Variants in ATRNL1 observed in about 807,000 individuals in gnomAD.
The protein encoded by ATRNL1 is attractin like 1.
A neutral mutation model predicts 182.7 loss-of-function variants in ATRNL1; 95 were observed. The ratio of observed to expected loss-of-function variants is 0.52; its 90% confidence interval spans 0.44 to 0.62. The LOEUF is 0.62. Ranked by LOEUF, ATRNL1 falls within the 20% of genes least tolerant of loss-of-function variation. The pLI, the probability that ATRNL1 is intolerant of heterozygous loss-of-function variation, is 0.00. For synonymous variants in ATRNL1, 576 were observed against 568.3 expected, an observed-to-expected ratio of 1.01 and a Z score of -0.19; for missense variants, 1,471 against 1,679.5, an observed-to-expected ratio of 0.88 and a Z score of 2.17.
At chr10:115,492,539 A>G (rs1173650080) in intron 24 of ATRNL1, among the ~76,000 whole-genome samples, 4 of 145,434 alleles carry the variant, frequency 2.8e-5, no homozygotes, top group Admixed American at 1.4e-4. Flanking sequence ...TATTTCATTT[A>G]TTTTAGATAT....
At chr10:115,191,514 C>A (rs1554889834) in intron 8 of ATRNL1, among the ~76,000 whole-genome samples, 1 of 151,858 alleles carries the variant, frequency 6.6e-6, no homozygotes, top group Non-Finnish European at 1.5e-5. Flanking sequence ...TATGATTAGG[C>A]TTTGTGTCCC....
At chr10:115,694,214 A>G (rs974022279) in intron 26 of ATRNL1, among the ~76,000 whole-genome samples, 61 of 151,496 alleles carry the variant, frequency 4.0e-4, no homozygotes, top group African/African-American at 1.4e-3. Flanking sequence ...TTCCCACTGT[A>G]TATCAGTGTA....
At chr10:115,496,141 T>A (rs1554978198) in intron 24 of ATRNL1, among the ~76,000 whole-genome samples, 1 of 152,204 alleles carries the variant, frequency 6.6e-6, no homozygotes, top group African/African-American at 2.4e-5. Context: ...ATAGCAACCC[T>A]TGCTGTTTTC....
chr10:115,393,654 C>T (rs1207891660), intron 19 of ATRNL1, among the ~76,000 whole-genome samples: 2 of 152,064 alleles, frequency 1.3e-5, no homozygotes, highest in Non-Finnish European at 2.9e-5. Context: ...CCTGGAAATA[C>T]TGAAGGCAAA....
At chr10:115,127,032 A>G (rs2143682661) in intron 3 of ATRNL1, among the ~76,000 whole-genome samples, 1 of 152,330 alleles carries the variant, frequency 6.6e-6, no homozygotes, top group African/African-American at 2.4e-5. Context: ...TTGCATAGAT[A>G]TGCAAAATTA....
Position 115,315,313 on chromosome 10 carries a change from C to T in ATRNL1, c.2819-205C>T, listed in dbSNP as rs373363367. Among the ~76,000 whole-genome samples, 104 of 152,134 alleles carry T rather than the reference C, an allele frequency of 6.8e-4. 2 individuals carry two copies. The South Asian group carries it at 0.021, about 31-fold the overall frequency. ...CACCTTTTTTCACTCCTGTGGTGGC[C>T]TGTTTATCTCCTCTTTGTTTGTGAT... is the stretch of plus-strand genomic sequence containing the variant. On this transcript the variant is annotated intron_variant, in intron 17 of 28. Coordinates refer to ENST00000355044, the MANE Select transcript of ATRNL1 (RefSeq NM_207303.4).
chr10:115,497,802 C>G (rs191761401), intron 24 of ATRNL1, among the ~76,000 whole-genome samples: 1 of 152,092 alleles, frequency 6.6e-6, no homozygotes, highest in Admixed American at 6.5e-5. Flanking sequence ...TGATTAGGGG[C>G]ATGTGCCACC....
intron 27 of ATRNL1, among the ~76,000 whole-genome samples, chr10:115,796,796 C>A (rs1259954839): frequency 6.6e-6 from 1 of 152,112 alleles, no homozygotes; most frequent in East Asian, 1.9e-4. Flanking sequence ...TGGGGGCTAA[C>A]CCTTCTATAT....
rs1006641629 is a variant in ATRNL1, at chr10:115,535,864, A to G, written c.3717-13594A>G. Among the ~76,000 whole-genome samples, 17 of 151,250 alleles carry G rather than the reference A, an allele frequency of 1.1e-4. 1 individual carries two copies. Among genetic ancestry groups the G allele is most frequent in the South Asian group, 2.1e-4 (1 of 4,824 alleles). ...AGCTGCAGGTCTGTTGGAGTTTGCT[A>G]GAGGTCCACTCCAGACCCTGTTTGC... On this transcript the variant is annotated intron_variant, in intron 25 of 28. Transcript: ENST00000355044.
At chr10:115,891,802 G>T (rs1952086085) in intron 28 of ATRNL1, among the ~76,000 whole-genome samples, 2 of 152,188 alleles carry the variant, frequency 1.3e-5, no homozygotes, top group African/African-American at 4.8e-5. Flanking sequence ...AGTCAGGTAA[G>T]CTAGTAAAAG....
At chr10:115,575,425 C>G (rs1854642634) in intron 26 of ATRNL1, among the ~76,000 whole-genome samples, 1 of 152,056 alleles carries the variant, frequency 6.6e-6, no homozygotes, top group Admixed American at 6.6e-5. Flanking sequence ...TGTATACTTT[C>G]TTGCATTTAT....
intron 25 of ATRNL1, among the ~76,000 whole-genome samples, chr10:115,531,144 G>A (rs1484439124): frequency 1.3e-5 from 2 of 149,878 alleles, no homozygotes; most frequent in African/African-American, 4.9e-5. Context: ...TATATACCCA[G>A]TAATGGGATG....
At chr10:115,669,432 T>A (rs1052844464) in intron 26 of ATRNL1, among the ~76,000 whole-genome samples, 1 of 152,170 alleles carries the variant, frequency 6.6e-6, no homozygotes, top group African/African-American at 2.4e-5. Context: ...CTATAATAAA[T>A]TTTTATGACT....
intron 24 of ATRNL1, among the ~76,000 whole-genome samples, chr10:115,501,456 T>A (rs1849834110): frequency 6.6e-6 from 1 of 152,160 alleles, no homozygotes; most frequent in Non-Finnish European, 1.5e-5. Flanking sequence ...ATTGGCTCCA[T>A]AAGTTGTTTG....
chr10:115,223,982 C>T (rs1307742123), intron 9 of ATRNL1, among the ~76,000 whole-genome samples: 1 of 138,036 alleles, frequency 7.2e-6, no homozygotes, highest in Non-Finnish European at 1.5e-5. Context: ...GTCACCCAGC[C>T]TGGAGTGCAG....
intron 21 of ATRNL1, among the ~76,000 whole-genome samples, chr10:115,438,215 C>A (rs1213072654): frequency 6.6e-6 from 1 of 151,920 alleles, no homozygotes; most frequent in Admixed American, 6.6e-5. Flanking sequence ...ATATGCAAAT[C>A]AGGCTTATTT....
At position 115,326,120 on chromosome 10, in the gene ATRNL1, A is replaced by G. The variant is rs550438331; in HGVS notation, c.3038-8162A>G. ...AGGAGAAGGAAATAAACGGTGTTCA[A>G]TTAGGAAAAGAGGAAGTCAAATTGT... On this transcript the variant is annotated intron_variant, in intron 18 of 28. Transcript: ENST00000355044. Among the ~76,000 whole-genome samples, 14 of 152,304 alleles carry G rather than the reference A, an allele frequency of 9.2e-5. No individual in the cohort carries two copies. The South Asian group carries it at 1.4e-3, about 16-fold the overall frequency.
In ATRNL1 at chr10:115,138,702, T is replaced by C. The variant is rs1845627749; in HGVS notation, c.829+9167T>C. Among the ~76,000 whole-genome samples the C allele has an allele frequency of 2.0e-5, 3 of 152,188 alleles. No homozygotes were observed. The South Asian group carries it at 6.2e-4, about 32-fold the overall frequency. Reference sequence around the variant, plus strand: ...TGAAGTCATCTTTTCCTCATAGGCCTCTGGGCCTGTGATGGGAGGCGATGC... The same window carrying C: ...TGAAGTCATCTTTTCCTCATAGGCCCCTGGGCCTGTGATGGGAGGCGATGC... On this transcript the variant is annotated intron_variant, in intron 5 of 28. Transcript: ENST00000355044.
At chr10:115,287,924 G>GTTTTTTTTTTT (rs11298663) in intron 15 of ATRNL1, among the ~76,000 whole-genome samples, 1 of 91,020 alleles carries the variant, frequency 1.1e-5, no homozygotes. Flanking sequence ...AAGATCAACT[G>GTTTTTTTTTTT]TTTTTTTTTT....
Sources: allele counts gnomAD v4.1 joint callset (sites outside exome capture counted in the v4.1 genomes callset), GRCh38; gene constraint gnomAD v4.1.1; transcripts MANE v1.5; gene names NCBI Gene and HGNC (gene_info 2026-07-23, HGNC 2026-07-21).